Variants in SIPA1L1 observed in about 807,000 individuals in gnomAD.
The protein encoded by SIPA1L1 is signal induced proliferation associated 1 like 1.
A neutral mutation model predicts 162.7 loss-of-function variants in SIPA1L1; 26 were observed. The observed-to-expected ratio is 0.16, with a 90% CI of 0.12 to 0.22. SIPA1L1 has a LOEUF of 0.22. Ranked by LOEUF, SIPA1L1 falls within the 10% of genes least tolerant of loss-of-function variation. The pLI is 1.00. For synonymous variants in SIPA1L1, 829 were observed against 837.4 expected, an observed-to-expected ratio of 0.99 and a Z score of 0.17; for missense variants, 1,874 against 2,241.0, an observed-to-expected ratio of 0.84 and a Z score of 3.31.
chr14:71,690,076 T>G (rs539595749), intron 13 of SIPA1L1, among the ~76,000 whole-genome samples: 92 of 152,314 alleles, frequency 6.0e-4, no homozygotes, highest in African/African-American at 2.2e-3. Context: ...TTCTTTTGTT[T>G]AGAATATTAG....
intron 17 of SIPA1L1, among the ~76,000 whole-genome samples, chr14:71,721,041 A>AT (rs2083679327): frequency 6.6e-6 from 1 of 152,096 alleles, no homozygotes; most frequent in African/African-American, 2.4e-5. Context: ...AGAGTTAGGT[A>AT]TTTATTCCAA....
At chr14:71,478,738 A>G (rs1443572426) in intron 2 of SIPA1L1, among the ~76,000 whole-genome samples, 1 of 152,044 alleles carries the variant, frequency 6.6e-6, no homozygotes, top group East Asian at 1.9e-4. Flanking sequence ...CAGAGATGAG[A>G]CATTAGAATA....
chr14:71,442,510 A>G (rs768865731), intron 2 of SIPA1L1, among the ~76,000 whole-genome samples: 17 of 152,192 alleles, frequency 1.1e-4, no homozygotes, highest in Non-Finnish European at 1.9e-4. Context: ...GAAAGTTGAA[A>G]TAAATGGAGA....
rs1266626629 is a variant in SIPA1L1 at position 71,717,211 on chromosome 14, G to A, written c.4209-6436G>A. Among the ~76,000 whole-genome samples the A allele has an allele frequency of 2.0e-5, 3 of 152,146 alleles. No individual in the cohort carries two copies. In the East Asian group the frequency reaches 5.8e-4, roughly 29 times the overall value. ...CTGCGCCCGACCTCTTTTATATGGG[G>A]TATCATGTACTTGTGTATCCTCTCT... On this transcript the variant is annotated intron_variant, in intron 17 of 23. Transcript: ENST00000381232.
At chr14:71,359,980 A>T (rs193184599) in intron 2 of SIPA1L1, among the ~76,000 whole-genome samples, 205 of 152,292 alleles carry the variant, frequency 1.3e-3, no homozygotes, top group Non-Finnish European at 2.3e-3. Flanking sequence ...CAAAAAGTTG[A>T]GTTTCAGGGT....
intron 2 of SIPA1L1, among the ~76,000 whole-genome samples, chr14:71,469,284 C>T (rs994191050): frequency 2.0e-5 from 3 of 152,136 alleles, no homozygotes; most frequent in East Asian, 1.9e-4. Flanking sequence ...AGTTATTATT[C>T]GGGGATGAGG....
At chr14:71,439,992 G>C (rs750636557) in intron 2 of SIPA1L1, among the ~76,000 whole-genome samples, 3 of 152,186 alleles carry the variant, frequency 2.0e-5, no homozygotes, top group Non-Finnish European at 4.4e-5. Flanking sequence ...GAAGAGGTCA[G>C]TCATATACAG....
At chr14:71,562,503 G>A (rs1329101942) in intron 4 of SIPA1L1, among the ~76,000 whole-genome samples, 1 of 152,104 alleles carries the variant, frequency 6.6e-6, no homozygotes, top group South Asian at 2.1e-4. Context: ...CATCAATAAT[G>A]TATCCAAAGT....
rs989545365 is a variant in SIPA1L1, at chr14:71,377,052, C to T, written c.-465+55871C>T. On this transcript the variant is annotated intron_variant, in intron 2 of 23. Transcript: ENST00000381232. The surrounding 1 kb of genome is among the most constrained non-coding windows in gnomAD (Gnocchi z 4.8). ...CGTTCTCAGTGAGCTGTTGGGTACA[C>T]CTCCCAGACGGGGTGGCAGCTGGGC... 6.6e-6 allele frequency among the ~76,000 whole-genome samples: 1 copy of T among 151,978 alleles called. No homozygotes were observed. Among genetic ancestry groups the T allele is most frequent in the African/African-American group, 2.4e-5 (1 of 41,210 alleles).
intron 20 of SIPA1L1, among the ~76,000 whole-genome samples, chr14:71,732,635 C>G (rs147275759): frequency 6.6e-6 from 1 of 152,294 alleles, no homozygotes; most frequent in African/African-American, 2.4e-5. Context: ...ACAAAATGTC[C>G]CCTTAGGAAG....
intron 2 of SIPA1L1, among the ~76,000 whole-genome samples, chr14:71,470,052 AATTCTAGGAGCTTTGTAAATACTTGGGT>A (rs1376513465): frequency 6.6e-6 from 1 of 152,180 alleles, no homozygotes; most frequent in Non-Finnish European, 1.5e-5. Context: ...TTGATGAAGA[AATTCTAGGAGCTTTGTAAATACTTGGGT>A]ATTCAGATTG....
At chr14:71,564,486 C>CTTTTTTT (rs1555459905) in intron 4 of SIPA1L1, among the ~76,000 whole-genome samples, 6 of 23,136 alleles carry the variant, frequency 2.6e-4, no homozygotes, top group African/African-American at 1.7e-3. Context: ...TCGGCATTTT[C>CTTTTTTT]TTTCTTTTTT....
chr14:71,338,828 C>G (rs1010028963), intron 2 of SIPA1L1, among the ~76,000 whole-genome samples: 1 of 150,994 alleles, frequency 6.6e-6, no homozygotes, highest in Non-Finnish European at 1.5e-5. Context: ...CAACCTCCGC[C>G]TCCTGGGTTC....
chr14:71,451,706 T>G (rs929047498), intron 2 of SIPA1L1, among the ~76,000 whole-genome samples: 2 of 151,662 alleles, frequency 1.3e-5, no homozygotes, highest in Admixed American at 1.3e-4. Context: ...GTGTACTACA[T>G]TCTTGCTAAG....
intron 10 of SIPA1L1, among the ~76,000 whole-genome samples, chr14:71,667,274 C>A (rs998985164): frequency 6.6e-6 from 1 of 152,128 alleles, no homozygotes; most frequent in Non-Finnish European, 1.5e-5. Context: ...CTGATGAATT[C>A]CTGCTTTTCT....
intron 2 of SIPA1L1, among the ~76,000 whole-genome samples, chr14:71,406,831 A>C (rs9323558): frequency 0.059 from 8,910 of 152,292 alleles, 633 homozygotes; most frequent in African/African-American, 0.17. Flanking sequence ...GAACGAAACA[A>C]GTGCCTGTGG....
chr14:71,721,659 C>T (rs2083746464), intron 17 of SIPA1L1, among the ~76,000 whole-genome samples: 1 of 152,176 alleles, frequency 6.6e-6, no homozygotes, highest in Admixed American at 6.5e-5. Flanking sequence ...AGACAAAGCC[C>T]TCTGTAGTCT....
chr14:71,392,927 C>T (rs1310080047), intron 2 of SIPA1L1, among the ~76,000 whole-genome samples: 1 of 152,248 alleles, frequency 6.6e-6, no homozygotes, highest in Non-Finnish European at 1.5e-5. Context: ...CAATAAATGG[C>T]CCATTCTGGG....
intron 2 of SIPA1L1, among the ~76,000 whole-genome samples, chr14:71,398,959 A>C (rs1433493826): frequency 6.6e-6 from 1 of 152,262 alleles, no homozygotes; most frequent in African/African-American, 2.4e-5. Context: ...AAGTAAATAC[A>C]TATTCTTAAA....
Sources: allele counts gnomAD v4.1 joint callset (sites outside exome capture counted in the v4.1 genomes callset), GRCh38; gene constraint gnomAD v4.1.1; non-coding constraint Gnocchi (gnomAD v3.1); transcripts MANE v1.5; gene names NCBI Gene and HGNC (gene_info 2026-07-23, HGNC 2026-07-21).